NEK10: variants seen among roughly 807,000 people sequenced by gnomAD.
NEK10 encodes the protein NIMA related kinase 10.
A neutral mutation model predicts 159.8 loss-of-function variants in NEK10; 122 were observed. The ratio of observed to expected loss-of-function variants is 0.76; its 90% CI spans 0.66 to 0.89. The LOEUF (loss-of-function observed/expected upper bound fraction) is 0.89, where lower values mean the gene tolerates loss of function less well. Among genes scored for constraint, NEK10 ranks in the 40% least tolerant of loss-of-function variants. The pLI is 0.00. For missense variants in NEK10, 1,342 were observed against 1,323.1 expected, an observed-to-expected ratio of 1.01 and a Z score of -0.22; for synonymous variants, 466 against 457.1, an observed-to-expected ratio of 1.02 and a Z score of -0.25.
At chr3:27,265,379 G>T (rs2040803877) in intron 22 of NEK10, among the ~76,000 whole-genome samples, 1 of 152,190 alleles carries the variant, frequency 6.6e-6, no homozygotes, top group Non-Finnish European at 1.5e-5. Context: ...ATGTTTTCCA[G>T]TTTTTTCTCT....
chr3:27,167,373 C>T (rs373537389), intron 29 of NEK10, among the ~76,000 whole-genome samples: 1 of 152,004 alleles, frequency 6.6e-6, no homozygotes, highest in Non-Finnish European at 1.5e-5. Flanking sequence ...CATAGTTTGG[C>T]GCAGGCCTGG....
At chr3:27,138,107 C>T (rs184575988) in intron 31 of NEK10, among the ~76,000 whole-genome samples, 310 of 152,296 alleles carry the variant, frequency 2.0e-3, no homozygotes, top group African/African-American at 7.0e-3. Flanking sequence ...TGCCTTGCTG[C>T]GGCAGCTCAT....
chr3:27,180,257 T>G (rs1398689504), intron 26 of NEK10, among the ~76,000 whole-genome samples: 3 of 151,756 alleles, frequency 2.0e-5, no homozygotes, highest in Non-Finnish European at 2.9e-5. Flanking sequence ...TAGACAGGCA[T>G]GGTGGTGCGT....
chr3:27,150,735 C>G (rs1944771306), intron 30 of NEK10, among the ~76,000 whole-genome samples: 1 of 152,160 alleles, frequency 6.6e-6, no homozygotes, highest in African/African-American at 2.4e-5. Flanking sequence ...TTTTGACTTT[C>G]AAGTCTTATT....
In NEK10 at chr3:27,108,142, C is replaced by T. The variant is rs1344220428; in HGVS notation, c.*3130G>A. ...GTCATAGATGATACTTATAGGAAGA[C>T]CTAACTCTTAATCAATTATATCATT... On this transcript the variant is annotated 3_prime_UTR_variant, in exon 36 of 36. Coordinates refer to ENST00000691995, the MANE Select transcript of NEK10 (RefSeq NM_001394966.1). Among the ~76,000 whole-genome samples the T allele has an allele frequency of 6.6e-6, 1 of 152,106 alleles. No individual in the cohort carries two copies. Among genetic ancestry groups the T allele is most frequent in the East Asian group, 1.9e-4 (1 of 5,194 alleles).
At chr3:27,344,861 T>G (rs1471156162) in intron 4 of NEK10, among the ~76,000 whole-genome samples, 1 of 152,216 alleles carries the variant, frequency 6.6e-6, no homozygotes, top group Non-Finnish European at 1.5e-5. Flanking sequence ...GAAGAGTTTA[T>G]TAACACAGTT....
intron 22 of NEK10, among the ~76,000 whole-genome samples, chr3:27,275,774 A>G (rs2041725437): frequency 6.6e-6 from 1 of 152,208 alleles, no homozygotes. Flanking sequence ...TCTCAGCCAC[A>G]GTTTAGCCAA....
intron 23 of NEK10, among the ~76,000 whole-genome samples, chr3:27,207,086 C>G (rs961431677): frequency 6.6e-6 from 1 of 152,186 alleles, no homozygotes; most frequent in Non-Finnish European, 1.5e-5. Flanking sequence ...GACTACTCTG[C>G]ATCCCAGGGA....
intron 30 of NEK10, 47 bp downstream of exon 30, chr3:27,162,654 A>C: frequency 6.2e-7 from 1 of 1,614,060 alleles, no homozygotes. Flanking sequence ...ATTACATTGA[A>C]TTTTAGAGAG....
chr3:27,229,772 T>G (rs1468889815), intron 23 of NEK10, among the ~76,000 whole-genome samples: 2 of 151,922 alleles, frequency 1.3e-5, no homozygotes, highest in Non-Finnish European at 2.9e-5. Context: ...AAGAAAGAAT[T>G]TCAGAGCCCA....
chr3:27,325,834 T>C (rs1249387363), intron 5 of NEK10, among the ~76,000 whole-genome samples: 1 of 152,216 alleles, frequency 6.6e-6, no homozygotes, highest in African/African-American at 2.4e-5. Context: ...TGGCTGAGGA[T>C]TACTCTTCCT....
At chr3:27,346,541 C>A (rs2047566793) in intron 3 of NEK10, among the ~76,000 whole-genome samples, 1 of 152,110 alleles carries the variant, frequency 6.6e-6, no homozygotes, top group Non-Finnish European at 1.5e-5. Context: ...ATGCTATTAC[C>A]CCAGCACCTA....
At chr3:27,269,980 G>A (rs527318170) in intron 22 of NEK10, among the ~76,000 whole-genome samples, 1 of 152,264 alleles carries the variant, frequency 6.6e-6, no homozygotes, top group Non-Finnish European at 1.5e-5. Flanking sequence ...CACCTCCACT[G>A]AAGTTGTAGT....
intron 31 of NEK10, among the ~76,000 whole-genome samples, chr3:27,137,186 A>G (rs1002352333): frequency 6.6e-6 from 1 of 152,202 alleles, no homozygotes; most frequent in Non-Finnish European, 1.5e-5. Context: ...CTGGAAATAC[A>G]TTTTAAAAAT....
chr3:27,308,780 C>G (rs1407232977), intron 10 of NEK10, 146 bp downstream of exon 10: 1 of 414,136 alleles, frequency 2.4e-6, no homozygotes, highest in Non-Finnish European at 4.4e-6. Flanking sequence ...GCCTTCTATC[C>G]AGGATTCTCT....
At chr3:27,261,399 T>A (rs1052604779) in intron 22 of NEK10, among the ~76,000 whole-genome samples, 2 of 152,232 alleles carry the variant, frequency 1.3e-5, no homozygotes, top group African/African-American at 4.8e-5. Flanking sequence ...TTTGAATGTG[T>A]CCCAGAGATT....
In NEK10 at chr3:27,362,707, G is replaced by A. The variant is rs202139401; in HGVS notation, c.-38+6518C>T. On this transcript the variant is annotated intron_variant, in intron 1 of 35. Coordinates refer to ENST00000691995, the MANE Select transcript of NEK10 (RefSeq NM_001394966.1). ...TAAGACAGAGTCCTTTGGCATGGAC[G>A]TCAGAAAAATGACACCTTCCTCTTC... Among the ~76,000 whole-genome samples the A allele has an allele frequency of 1.3e-4, 20 of 151,810 alleles. No homozygotes were observed. In the East Asian group the frequency reaches 3.9e-3, roughly 30 times the overall value.
At chr3:27,330,400 C>T (rs1164513113) in intron 5 of NEK10, among the ~76,000 whole-genome samples, 2 of 152,058 alleles carry the variant, frequency 1.3e-5, no homozygotes, top group Admixed American at 6.6e-5. Context: ...AACAATGATC[C>T]AGCTGTTTAA....
intron 22 of NEK10, among the ~76,000 whole-genome samples, chr3:27,267,320 T>C (rs1466463287): frequency 1.3e-5 from 2 of 152,200 alleles, no homozygotes; most frequent in African/African-American, 4.8e-5. Flanking sequence ...GCCTCAGCCC[T>C]AGAGGTAGTA....
Sources: allele counts gnomAD v4.1 joint callset (sites outside exome capture counted in the v4.1 genomes callset), GRCh38; gene constraint gnomAD v4.1.1; transcripts MANE v1.5; gene names NCBI Gene and HGNC (gene_info 2026-07-23, HGNC 2026-07-21).